The following PRR14 variants were observed in gnomAD, a reference collection of about 807,000 sequenced individuals.
PRR14 encodes the protein proline rich 14, also known as proline-rich protein 14.
In PRR14, 33 loss-of-function variants were observed where a neutral mutation model predicts 57.2. That is an observed-to-expected ratio of 0.58 (90% confidence interval 0.44 to 0.77). The LOEUF (loss-of-function observed/expected upper bound fraction) is 0.77, where lower values mean the gene tolerates loss of function less well. Among genes scored for constraint, PRR14 ranks in the 30% least tolerant of loss-of-function variants. The pLI, the probability that PRR14 is intolerant of heterozygous loss-of-function variation, is 0.00. For synonymous variants in PRR14, 303 were observed against 314.7 expected (o/e 0.96, Z 0.39); for missense variants, 716 against 788.1 (o/e 0.91, Z 1.10).
chr16:30,651,770 C>A lies in PRR14; in HGVS notation c.24-26C>A, dbSNP rs777982688. ...AGAGCCAGCGACAGGTTCGGGCGAC[C>A]GTCCTCTGCTTCTTTCACCCTCCAG... On this transcript the variant is annotated intron_variant, in intron 2 of 11. Coordinates refer to ENST00000300835, the MANE Select transcript of PRR14 (RefSeq NM_024031.5). The surrounding 1 kb of genome is among the most constrained non-coding windows in gnomAD (Gnocchi z 5.0). 6 of 1,608,512 alleles carry A rather than the reference C, an allele frequency of 3.7e-6. No individual in the cohort carries two copies. The highest frequency in any genetic ancestry group is 3.3e-5 in the Admixed American group (2 of 59,988).
In PRR14 at chr16:30,656,281, A is replaced by C; in HGVS notation, c.1728A>C (p.Thr576=). Residue 576 remains threonine, a synonymous_variant, in exon 12 of 12, where the codon ACA becomes ACC. Coordinates refer to ENST00000300835, the MANE Select transcript of PRR14 (RefSeq NM_024031.5). ...ATGCCTTGCTCCTGGAGGAAGAAAC[A>C]GTAGATCGGGAGCAGCCCCACTGGA... ...ELDALLLEEE[T]VDREQPHWT 1 of 1,612,726 alleles carries C rather than the reference A, an allele frequency of 6.2e-7. No individual in the cohort carries two copies. Among genetic ancestry groups the C allele is most frequent in the Non-Finnish European group, 8.5e-7 (1 of 1,179,932 alleles).
chr16:30,654,082 T>G, intron 6 of PRR14, 148 bp from the exon 7 acceptor site: 1 of 660,770 alleles, frequency 1.5e-6, no homozygotes, highest in African/African-American at 1.8e-5. Flanking sequence ...TGAGCTGAGA[T>G]TGTGCCCCTG....
At chr16:30,652,239 T>TC (rs1269474103) in intron 3 of PRR14, 1 of 607,330 alleles carries the variant, frequency 1.6e-6, no homozygotes, top group East Asian at 3.2e-5. Flanking sequence ...TATCTTTTTT[T>TC]TTTTTTTAGA....
Position 30,655,930 on chromosome 16 carries a change from C to G in PRR14, c.1469C>G (p.Thr490Arg). 6.2e-7 allele frequency: 1 copy of G among 1,614,148 alleles called. No homozygotes were observed. The highest frequency in any genetic ancestry group is 1.1e-5 in the South Asian group (1 of 91,078). The change falls in exon 11 of 12, where the codon ACA becomes AGA. Residue 490 changes from threonine to arginine, a missense_variant. Coordinates refer to ENST00000300835, the MANE Select transcript of PRR14 (RefSeq NM_024031.5). This position sits in a 1 kb window ranked among gnomAD's most constrained non-coding sequence, Gnocchi z 4.6. ...IYTNKNYQSP[T>R]TRRTFETIFE... ...ACCAACAAGAATTACCAATCACCCA[C>G]AACCAGGAGGTGAGACACTTGGAAG...
rs147414936 is a variant in PRR14, at chr16:30,652,720, G to C, written c.193-1G>C. The stretch of plus-strand genomic sequence containing the variant: ...GCTCTTGACACCTCTTTCTCTTCCA[G>C]GTCCCCGTGGTGCCCTCAAAGCAGA... On this transcript the variant is annotated splice_acceptor_variant, in intron 3 of 11. Transcript: ENST00000300835. LOFTEE classifies it high-confidence loss of function. The C allele has an allele frequency of 2.0e-5, 33 of 1,614,084 alleles. No individual in the cohort carries two copies. In the African/African-American group the frequency reaches 3.6e-4, roughly 18 times the overall value.
Position 30,653,004 on chromosome 16 carries a change from T to TG in PRR14, c.407dup (p.Glu138ArgfsTer27). Reference sequence around the variant, plus strand: ...TGAGGCGGCGATCAAGGACAACCCCTGGCCCAGAGGAGGGCCCTTCACAAA... The same window carrying TG: ...TGAGGCGGCGATCAAGGACAACCCCTGGGCCCAGAGGAGGGCCCTTCACAAA... On this transcript the variant is annotated frameshift_variant, in exon 5 of 12. Coordinates refer to ENST00000300835, the MANE Select transcript of PRR14 (RefSeq NM_024031.5). LOFTEE classifies it high-confidence loss of function. 1 of 1,614,090 alleles carries TG rather than the reference T, an allele frequency of 6.2e-7. No homozygotes were observed. Among genetic ancestry groups the TG allele is most frequent in the Non-Finnish European group, 8.5e-7 (1 of 1,179,982 alleles).
rs1249587943 is a variant in PRR14 at position 30,653,027 on chromosome 16, A to G, written c.428A>G (p.Gln143Arg). Residue 143 changes from glutamine (Q) to arginine (R), a missense_variant, in exon 5 of 12, where the codon CAA becomes CGA. Physicochemically the swap from Gln to Arg is conservative, Grantham distance 43 (BLOSUM62 1). Transcript: ENST00000300835. ...CCTGGCCCAGAGGAGGGCCCTTCAC[A>G]AAAGGTGGACCGGGCCCCCCAGCCC... ...TTPGPEEGPS[Q>R]KVDRAPQPTL... 6.2e-7 allele frequency: 1 copy of G among 1,613,964 alleles called. No homozygotes were observed. The highest frequency in any genetic ancestry group is 1.3e-5 in the African/African-American group (1 of 75,030).
In PRR14 at chr16:30,651,904, G is replaced by A. The variant is rs1263001087; in HGVS notation, c.132G>A (p.Leu44=). ...AGCTCCCGGGGGCCCCTTCTCCCCT[G>A]GAAAAGGCCTCTCGGCGGGTCCTGG... ...RLQLPGAPSP[L]EKASRRVLAV... The change falls in exon 3 of 12, where the codon CTG becomes CTA. Residue 44 remains leucine, a synonymous_variant. Transcript: ENST00000300835. This position sits in a 1 kb window ranked among gnomAD's most constrained non-coding sequence, Gnocchi z 5.0. 4 of 1,596,370 alleles carry A rather than the reference G, an allele frequency of 2.5e-6. No homozygotes were observed. The highest frequency in any genetic ancestry group is 3.4e-6 in the Non-Finnish European group (4 of 1,171,724).
chr16:30,656,410 C>A lies in PRR14; in HGVS notation c.*99C>A. On this transcript the variant is annotated 3_prime_UTR_variant, in exon 12 of 12. Coordinates refer to ENST00000300835, the MANE Select transcript of PRR14 (RefSeq NM_024031.5). ...TTCTAGTAAAGTTTTCGATATGTTT[C>A]TGATTCTTTTGTATCTCTAGCTGAG... The A allele has an allele frequency of 8.4e-7, 1 of 1,190,684 alleles. No individual in the cohort carries two copies. Among genetic ancestry groups the A allele is most frequent in the Non-Finnish European group, 1.1e-6 (1 of 871,994 alleles). The allele number at this position is 1,190,684 out of a possible 1,614,324, so 73.8% of individuals were successfully genotyped here.
intron 3 of PRR14, 147 bp from the exon 4 acceptor site, chr16:30,652,574 C>A: frequency 1.0e-6 from 1 of 983,756 alleles, no homozygotes; most frequent in Non-Finnish European, 1.6e-6. Flanking sequence ...TAATTCAGTC[C>A]AATTCATCTC....
Position 30,651,380 on chromosome 16 carries a change from C to T in PRR14, c.-50-216C>T. On this transcript the variant is annotated intron_variant, in intron 1 of 11. Coordinates refer to ENST00000300835, the MANE Select transcript of PRR14 (RefSeq NM_024031.5). The surrounding 1 kb of genome is among the most constrained non-coding windows in gnomAD (Gnocchi z 5.0). The stretch of plus-strand genomic sequence containing the variant: ...AACTGGGGCCGCTGCATTCTGGGTT[C>T]TGGCGGCAGGTGCCAGGCAGGGCGC... 1 of 468,794 alleles carries T rather than the reference C, an allele frequency of 2.1e-6. No individual in the cohort carries two copies. The allele number at this position is 468,794 out of a possible 1,614,324, so 29.0% of individuals were successfully genotyped here.
chr16:30,655,649 C>A lies in PRR14; in HGVS notation c.1406+56C>A. On this transcript the variant is annotated intron_variant, in intron 10 of 11. Coordinates refer to ENST00000300835, the MANE Select transcript of PRR14 (RefSeq NM_024031.5). This position sits in a 1 kb window ranked among gnomAD's most constrained non-coding sequence, Gnocchi z 4.6. Reference sequence around the variant, plus strand: ...TGGCCAAACAGATGCAGGCTTATGTCCCCTGAAGTATAGCTTTGTCTCCCC... The same window carrying A: ...TGGCCAAACAGATGCAGGCTTATGTACCCTGAAGTATAGCTTTGTCTCCCC... The A allele has an allele frequency of 1.3e-6, 2 of 1,501,082 alleles. No individual in the cohort carries two copies. Among genetic ancestry groups the A allele is most frequent in the Non-Finnish European group, 1.9e-6 (2 of 1,079,386 alleles). The allele number at this position is 1,501,082 out of a possible 1,614,324, so 93.0% of individuals were successfully genotyped here. A position where few individuals can be genotyped will look rare whatever the true frequency, so the allele number is the denominator to read the frequency against.
rs1429091229 is a variant in PRR14, at chr16:30,653,491, G to A, written c.548+83G>A. 6.5e-6 allele frequency: 9 copies of A among 1,375,818 alleles called. No homozygotes were observed. In the African/African-American group the frequency reaches 7.2e-5, roughly 11 times the overall value. The allele number at this position is 1,375,818 out of a possible 1,614,324, so 85.2% of individuals were successfully genotyped here. ...AGCCAGAGCTAGGGGCATCGGGACT[G>A]ACTGATCCAATCCTTCCTTGTGGCA... is the stretch of plus-strand genomic sequence containing the variant. On this transcript the variant is annotated intron_variant, in intron 6 of 11. Transcript: ENST00000300835.
Position 30,656,056 on chromosome 16 carries a change from A to G in PRR14, c.1503A>G (p.Glu501=). 6.4e-7 allele frequency: 1 copy of G among 1,552,608 alleles called. No homozygotes were observed. The highest frequency in any genetic ancestry group is 1.4e-5 in the African/African-American group (1 of 72,826). The part of the protein sequence containing the change: ...TRRTFETIFE[E]PRERNGTLIF... ...GGACCTTTGAGACCATCTTTGAGGA[A>G]CCCCGGGAGCGCAATGGGACTCTGA... The change falls in exon 12 of 12, where the codon GAA becomes GAG. Residue 501 remains glutamate (E), a synonymous_variant. Transcript: ENST00000300835.
chr16:30,652,617 ATC>A (rs2052324410), intron 3 of PRR14, 102 bp from the exon 4 acceptor site: 1 of 1,395,718 alleles, frequency 7.2e-7, no homozygotes, highest in Non-Finnish European at 1.0e-6. Context: ...TCTAGCCCCA[ATC>A]TCTGTTATGT....
Position 30,655,289 on chromosome 16 carries a change from G to A in PRR14, c.1245-62G>A. ...GCCTCCTTCCCTGAGTATCCAGTGG[G>A]CAGGAGACGGGGGATAATGCAGTGA... On this transcript the variant is annotated intron_variant, in intron 8 of 11. Coordinates refer to ENST00000300835, the MANE Select transcript of PRR14 (RefSeq NM_024031.5). This position sits in a 1 kb window ranked among gnomAD's most constrained non-coding sequence, Gnocchi z 4.6. 6.2e-7 allele frequency: 1 copy of A among 1,607,542 alleles called. No individual in the cohort carries two copies. The highest frequency in any genetic ancestry group is 2.2e-5 in the East Asian group (1 of 44,840).
chr16:30,652,083 C>T, intron 3 of PRR14, 119 bp downstream of exon 3: 4 of 1,120,576 alleles, frequency 3.6e-6, no homozygotes, highest in South Asian at 1.6e-5. Flanking sequence ...GTACTCAGCC[C>T]TCAGGCAGCC....
Position 30,656,297 on chromosome 16 carries a change from C to G in PRR14, c.1744C>G (p.Pro582Ala). 1 of 1,611,720 alleles carries G rather than the reference C, an allele frequency of 6.2e-7. No individual in the cohort carries two copies. Among genetic ancestry groups the G allele is most frequent in the South Asian group, 1.1e-5 (1 of 91,002 alleles). The change falls in exon 12 of 12, where the codon CCC becomes GCC. Residue 582 changes from proline (P) to alanine (A), a missense_variant. Physicochemically the swap from Pro to Ala is conservative, Grantham distance 27. Coordinates refer to ENST00000300835, the MANE Select transcript of PRR14 (RefSeq NM_024031.5). Reference sequence around the variant, plus strand: ...GGAAGAAACAGTAGATCGGGAGCAGCCCCACTGGACCTAGGTGCCCCATCT... The same window carrying G: ...GGAAGAAACAGTAGATCGGGAGCAGGCCCACTGGACCTAGGTGCCCCATCT... ...LEEETVDREQ[P>A]HWT
chr16:30,652,232 C>CT (rs749845482), intron 3 of PRR14: 36,332 of 509,208 alleles, frequency 0.071, no homozygotes, highest in South Asian at 0.085. Flanking sequence ...TTTTTTCTAT[C>CT]TTTTTTTTTT....
Sources: allele counts gnomAD v4.1 joint callset, GRCh38; gene constraint gnomAD v4.1.1; non-coding constraint Gnocchi (gnomAD v3.1); transcripts MANE v1.5; gene names NCBI Gene and HGNC (gene_info 2026-07-23, HGNC 2026-07-21).